The following SPPL2B variants were observed in gnomAD, a reference collection of about 807,000 sequenced individuals.
The protein encoded by SPPL2B is signal peptide peptidase-like 2B.
In SPPL2B, 39 loss-of-function variants were observed where a neutral mutation model predicts 59.7. That is an observed-to-expected ratio of 0.65 (90% CI 0.51 to 0.85). The LOEUF (loss-of-function observed/expected upper bound fraction) is 0.85. SPPL2B is among the 40% of genes least tolerant of loss of function. SPPL2B has a pLI of 0.00. For missense variants in SPPL2B, 865 were observed against 849.0 expected, an observed-to-expected ratio of 1.02 and a Z score of -0.23; for synonymous variants, 419 against 370.8, an observed-to-expected ratio of 1.13 and a Z score of -1.49.
intron 8 of SPPL2B, chr19:2,342,944 CTG>C (rs1429916740): frequency 4.0e-6 from 2 of 497,850 alleles, no homozygotes; most frequent in African/African-American, 3.9e-5. Flanking sequence ...CCTGTGTCCA[CTG>C]TCCTGGCTGC....
At chr19:2,337,740 C>T in intron 3 of SPPL2B, 115 bp downstream of exon 3, 1 of 1,088,974 alleles carries the variant, frequency 9.2e-7, no homozygotes, top group Non-Finnish European at 1.3e-6. Context: ...AAGGCAGATC[C>T]ATCTGTGGGG....
chr19:2,340,527 G>T, intron 7 of SPPL2B: 2 of 587,970 alleles, frequency 3.4e-6, no homozygotes, highest in African/African-American at 1.9e-5. Context: ...GGGAGCTGCT[G>T]GGGGGTCTCC....
At chr19:2,340,229 C>G (rs1208716838) in intron 7 of SPPL2B, 57 bp downstream of exon 7, 1 of 1,318,842 alleles carries the variant, frequency 7.6e-7, no homozygotes, top group Non-Finnish European at 1.0e-6. Context: ...TGGCCACGGC[C>G]CCTTTGCCGC....
chr19:2,351,219 G>A (rs958070048), intron 13 of SPPL2B, among the ~76,000 whole-genome samples: 7 of 152,166 alleles, frequency 4.6e-5, no homozygotes, highest in African/African-American at 1.4e-4. Flanking sequence ...CCCTGGCTCC[G>A]GTAGGGTCAG....
rs997652633 is a variant in SPPL2B, at chr19:2,339,269, C to T, written c.599+61C>T. Reference sequence around the variant, plus strand: ...CGGGCGGCTCTGACACGGGCCGGGACGGCCAGTCTTCCAGAACAGCAGTGA... The same window carrying T: ...CGGGCGGCTCTGACACGGGCCGGGATGGCCAGTCTTCCAGAACAGCAGTGA... On this transcript the variant is annotated intron_variant, in intron 5 of 14. Transcript: ENST00000613503. 5.2e-5 allele frequency: 81 copies of T among 1,550,552 alleles called. 1 individual carries two copies. The highest frequency in any genetic ancestry group is 6.3e-5 in the Non-Finnish European group (72 of 1,147,166).
chr19:2,329,361 C>T (rs1041610140), intron 1 of SPPL2B, among the ~76,000 whole-genome samples: 1 of 152,194 alleles, frequency 6.6e-6, no homozygotes, highest in African/African-American at 2.4e-5. Context: ...GAAGGAGGAC[C>T]GACTATGGTG....
chr19:2,338,346 C>G, intron 3 of SPPL2B: 1 of 164,140 alleles, frequency 6.1e-6, no homozygotes, highest in Non-Finnish European at 1.3e-5. Context: ...CGGGCAGAGC[C>G]GAGAGTGCCA....
chr19:2,334,760 T>C, intron 2 of SPPL2B, 39 bp downstream of exon 2: 1 of 1,492,000 alleles, frequency 6.7e-7, no homozygotes, highest in Non-Finnish European at 8.9e-7. Flanking sequence ...CGGAGGAGAA[T>C]GCGGGGGCCC....
chr19:2,351,649 A>G, intron 14 of SPPL2B, 55 bp downstream of exon 14: 1 of 1,561,836 alleles, frequency 6.4e-7, no homozygotes, highest in Non-Finnish European at 8.7e-7. Flanking sequence ...AGCCCTAACT[A>G]GAGTTAAAGT....
chr19:2,340,409 A>G, intron 7 of SPPL2B: 1 of 631,186 alleles, frequency 1.6e-6, no homozygotes, highest in Non-Finnish European at 2.8e-6. Context: ...CCTTGTCCCC[A>G]GGAACCCTGC....
At chr19:2,339,595 G>A (rs1039318987) in intron 5 of SPPL2B, 9 of 605,808 alleles carry the variant, frequency 1.5e-5, no homozygotes, top group African/African-American at 1.5e-4. Flanking sequence ...CCTCTGGCCC[G>A]GCCTAGTGGC....
intron 13 of SPPL2B, among the ~76,000 whole-genome samples, chr19:2,346,333 C>T (rs544047043): frequency 2.6e-5 from 4 of 152,388 alleles, no homozygotes; most frequent in South Asian, 4.1e-4. Context: ...CCTGGCTTTC[C>T]CCTCGCCCGA....
At position 2,352,996 on chromosome 19, in the gene SPPL2B, G is replaced by A; in HGVS notation, c.1566G>A (p.Gln522=). The stretch of plus-strand genomic sequence containing the variant: ...CCCCAGCACCAGCCGACGGCCCGCA[G>A]CCTCCCAAAGACTCTGCCACGCCAC... ...PWAPAPADGP[Q]PPKDSATPLS... is the part of the protein sequence containing the mutation. Residue 522 remains glutamine (Q), a synonymous_variant, in exon 15 of 15, where the codon CAG becomes CAA. Coordinates refer to ENST00000613503, the MANE Select transcript of SPPL2B (RefSeq NM_152988.3). 3 of 1,612,158 alleles carry A rather than the reference G, an allele frequency of 1.9e-6. No homozygotes were observed. The highest frequency in any genetic ancestry group is 2.5e-6 in the Non-Finnish European group (3 of 1,179,684).
chr19:2,333,503 G>T (rs1413002395), intron 1 of SPPL2B, among the ~76,000 whole-genome samples: 1 of 152,222 alleles, frequency 6.6e-6, no homozygotes, highest in Non-Finnish European at 1.5e-5. Flanking sequence ...GCTCCATCCT[G>T]CTCTGTTAAG....
intron 8 of SPPL2B, chr19:2,342,165 CA>C (rs1969096740): frequency 6.5e-6 from 1 of 154,078 alleles, no homozygotes; most frequent in South Asian, 2.0e-4. Context: ...GCATTGGGGG[CA>C]GGGGCCAGCG....
intron 10 of SPPL2B, 85 bp downstream of exon 10, chr19:2,344,124 C>T (rs1372024818): frequency 2.7e-6 from 2 of 729,386 alleles, no homozygotes; most frequent in African/African-American, 4.3e-5. Context: ...CCCCCCATCA[C>T]CCCGCCCCCT....
intron 8 of SPPL2B, chr19:2,342,853 G>T (rs1039551314): frequency 8.2e-6 from 2 of 244,866 alleles, no homozygotes; most frequent in African/African-American, 4.4e-5. Context: ...GCGACTGAGG[G>T]GACGCAGCCG....
rs769909808 is a variant in SPPL2B at position 2,353,003 on chromosome 19, A to G, written c.1573A>G (p.Lys525Glu). 7.4e-6 allele frequency: 12 copies of G among 1,611,864 alleles called. No individual in the cohort carries two copies. Among genetic ancestry groups the G allele is most frequent in the Middle Eastern group, 3.3e-4 (2 of 6,078 alleles). Residue 525 changes from lysine (K) to glutamate (E), a missense_variant, in exon 15 of 15, where the codon AAA (lysine) becomes GAA (glutamate). Coordinates refer to ENST00000613503, the MANE Select transcript of SPPL2B (RefSeq NM_152988.3). ...PAPADGPQPP[K>E]DSATPLSPQP... ...ACCAGCCGACGGCCCGCAGCCTCCC[A>G]AAGACTCTGCCACGCCACTCTCCCC...
intron 13 of SPPL2B, among the ~76,000 whole-genome samples, chr19:2,346,997 T>A (rs1215322833): frequency 6.6e-6 from 1 of 152,236 alleles, no homozygotes; most frequent in Non-Finnish European, 1.5e-5. Flanking sequence ...TAATTAATTT[T>A]CTCAGAGCTT....
Sources: allele counts gnomAD v4.1 joint callset (sites outside exome capture counted in the v4.1 genomes callset), GRCh38; gene constraint gnomAD v4.1.1; transcripts MANE v1.5; gene names NCBI Gene and HGNC (gene_info 2026-07-23, HGNC 2026-07-21).